Variants in KGD4 observed in about 807,000 individuals in gnomAD.
KGD4 encodes alpha-ketoglutarate dehydrogenase component 4.
At chr5:69,228,445 G>A in the KGD4 span, 1 of 1,495,604 alleles carries the variant, frequency 6.7e-7, no homozygotes, top group Non-Finnish European at 9.0e-7. Context: ...TTGGGCTTTG[G>A]GGATTTCATT....
the KGD4 span, among the ~76,000 whole-genome samples, chr5:69,219,733 T>G: frequency 1.3e-5 from 2 of 152,072 alleles, no homozygotes; most frequent in African/African-American, 4.8e-5. Context: ...TATGCTAATA[T>G]AATATCACTT....
chr5:69,220,076 A>T, the KGD4 span, among the ~76,000 whole-genome samples: 101 of 151,486 alleles, frequency 6.7e-4, no homozygotes, highest in African/African-American at 2.4e-3. Flanking sequence ...TAAAAATTTT[A>T]AAAAATTAGC....
chr5:69,225,670 C>T, the KGD4 span, among the ~76,000 whole-genome samples: 1 of 150,370 alleles, frequency 6.7e-6, no homozygotes, highest in African/African-American at 2.4e-5. Context: ...TCCGGAGTCC[C>T]GGTTGGTTCA....
At chr5:69,226,831 G>A in the KGD4 span, among the ~76,000 whole-genome samples, 1 of 151,558 alleles carries the variant, frequency 6.6e-6, no homozygotes, top group Admixed American at 6.6e-5. Context: ...CTGGGTGACA[G>A]GGCAAGACTT....
At chr5:69,225,602 ACT>A in the KGD4 span, among the ~76,000 whole-genome samples, 2 of 113,838 alleles carry the variant, frequency 1.8e-5, no homozygotes, top group African/African-American at 7.1e-5. Context: ...ATGGAGTCTC[ACT>A]CTGTAGCCCA....
chr5:69,221,607 A>G, the KGD4 span, among the ~76,000 whole-genome samples: 1 of 152,348 alleles, frequency 6.6e-6, no homozygotes, highest in Admixed American at 6.5e-5. Flanking sequence ...CTTCACAAAC[A>G]TTAACTCAAA....
the KGD4 span, chr5:69,226,225 T>C: frequency 5.6e-6 from 4 of 720,308 alleles, no homozygotes; most frequent in Non-Finnish European, 7.1e-6. Flanking sequence ...AAGAGTATAA[T>C]TTAAAGTTGC....
At chr5:69,219,155 G>A in the KGD4 span, among the ~76,000 whole-genome samples, 1 of 152,196 alleles carries the variant, frequency 6.6e-6, no homozygotes, top group Non-Finnish European at 1.5e-5. Context: ...TGATGAGAAT[G>A]TGAAGCGTCT....
At chr5:69,228,884 G>A in the KGD4 span, among the ~76,000 whole-genome samples, 1,140 of 151,772 alleles carry the variant, frequency 7.5e-3, 24 homozygotes, top group Middle Eastern at 0.01. Context: ...GTGTGGTGGT[G>A]GGTACCTGTA....
the KGD4 span, among the ~76,000 whole-genome samples, chr5:69,224,944 C>T: frequency 6.6e-5 from 10 of 151,616 alleles, no homozygotes; most frequent in African/African-American, 2.2e-4. Flanking sequence ...CGTGGTGGCA[C>T]GTGCCTATAG....
chr5:69,226,505 A>G, the KGD4 span: 1 of 821,910 alleles, frequency 1.2e-6, no homozygotes, highest in Non-Finnish European at 1.9e-6. Flanking sequence ...ATCAGTTAAG[A>G]CTATTGTAGC....
chr5:69,221,041 A>G, the KGD4 span, among the ~76,000 whole-genome samples: 2 of 152,184 alleles, frequency 1.3e-5, no homozygotes, highest in East Asian at 1.9e-4. Flanking sequence ...GGACGTAAAC[A>G]CTGCGGAAGG....
At chr5:69,219,144 G>A in the KGD4 span, among the ~76,000 whole-genome samples, 1 of 152,158 alleles carries the variant, frequency 6.6e-6, no homozygotes, top group Admixed American at 6.5e-5. Context: ...GACGTCAGTG[G>A]TGATGAGAAT....
chr5:69,220,388 G>C, the KGD4 span, among the ~76,000 whole-genome samples: 1 of 152,036 alleles, frequency 6.6e-6, no homozygotes, highest in East Asian at 1.9e-4. Context: ...GGGCACGGTG[G>C]CTCACACCTG....
chr5:69,228,129 G>A, the KGD4 span: 1 of 1,151,232 alleles, frequency 8.7e-7, no homozygotes, highest in Non-Finnish European at 1.2e-6. Context: ...TTATTTGATA[G>A]TATTTTAAGA....
chr5:69,228,945 G>A, the KGD4 span, among the ~76,000 whole-genome samples: 2 of 150,630 alleles, frequency 1.3e-5, no homozygotes, highest in African/African-American at 4.9e-5. Flanking sequence ...AACCCGGGAG[G>A]CGGAGGTTGC....
chr5:69,219,237 T>C, the KGD4 span, among the ~76,000 whole-genome samples: 23 of 152,200 alleles, frequency 1.5e-4, no homozygotes, highest in African/African-American at 5.5e-4. Flanking sequence ...TCTCTAATAG[T>C]TAAGCATGTA....
chr5:69,223,321 C>T, the KGD4 span, among the ~76,000 whole-genome samples: 1 of 151,858 alleles, frequency 6.6e-6, no homozygotes, highest in Non-Finnish European at 1.5e-5. Flanking sequence ...CCTCATGATC[C>T]ACCCACCTCG....
At chr5:69,218,470 ATGTGTGTGTGTGTGTG>A in the KGD4 span, among the ~76,000 whole-genome samples, 2 of 148,524 alleles carry the variant, frequency 1.3e-5, no homozygotes, top group African/African-American at 4.9e-5. Context: ...GTGTATATTA[ATGTGTGTGTGTGTGTG>A]TGTGTGTGTG....
Sources: allele counts gnomAD v4.1 joint callset (sites outside exome capture counted in the v4.1 genomes callset), GRCh38; gene constraint gnomAD v4.1.1; transcripts MANE v1.5; gene names NCBI Gene and HGNC (gene_info 2026-07-23, HGNC 2026-07-21).